Variants in PRKG1 observed in about 807,000 individuals in gnomAD.
PRKG1 encodes the protein protein kinase cGMP-dependent 1, also known as cGMP-dependent protein kinase 1.
PRKG1 carries 35 observed loss-of-function variants against 88.1 expected under a neutral mutation model. The ratio of observed to expected loss-of-function variants is 0.40; its 90% CI spans 0.30 to 0.53. PRKG1 has a LOEUF of 0.53. Ranked by LOEUF, PRKG1 falls within the 20% of genes least tolerant of loss-of-function variation. The pLI, the probability that PRKG1 is intolerant of heterozygous loss-of-function variation, is 0.59. For synonymous variants in PRKG1, 303 were observed against 292.5 expected, an observed-to-expected ratio of 1.04 and a Z score of -0.37; for missense variants, 540 against 839.8, an observed-to-expected ratio of 0.64 and a Z score of 4.41.
chr10:51,865,909 A>T (rs72799473), intron 4 of PRKG1, among the ~76,000 whole-genome samples: 20,278 of 151,998 alleles, frequency 0.13, 1,562 homozygotes, highest in Admixed American at 0.17. Context: ...AATATGGAAC[A>T]TAAATATATA....
chr10:52,269,186 G>A (rs183104276), intron 10 of PRKG1, among the ~76,000 whole-genome samples: 6 of 152,078 alleles, frequency 3.9e-5, no homozygotes, highest in Admixed American at 1.3e-4. Context: ...TCTGAAGAGG[G>A]AATATGACTT....
chr10:51,638,921 G>A (rs1408021962), intron 3 of PRKG1, among the ~76,000 whole-genome samples: 2 of 152,158 alleles, frequency 1.3e-5, no homozygotes, highest in Non-Finnish European at 2.9e-5. Flanking sequence ...GGACAGACAA[G>A]GACATGCCTC....
At chr10:51,951,948 T>C (rs74132837) in intron 5 of PRKG1, among the ~76,000 whole-genome samples, 12,706 of 152,222 alleles carry the variant, frequency 0.083, 1,451 homozygotes, top group African/African-American at 0.26. Flanking sequence ...CAATATTATA[T>C]GAAATTCAGA....
At chr10:51,471,803 A>G (rs915927199) in intron 3 of PRKG1, among the ~76,000 whole-genome samples, 2 of 151,984 alleles carry the variant, frequency 1.3e-5, no homozygotes, top group East Asian at 1.9e-4. Context: ...CTAAACTCCA[A>G]TGAAACCCAA....
At chr10:51,582,667 A>T (rs748537345) in intron 3 of PRKG1, among the ~76,000 whole-genome samples, 2 of 133,366 alleles carry the variant, frequency 1.5e-5, no homozygotes, top group Non-Finnish European at 2.9e-5. Context: ...ATACTCCATG[A>T]TGTATATGTA....
chr10:52,153,854 TC>T (rs1320833668), intron 8 of PRKG1, among the ~76,000 whole-genome samples: 1 of 152,110 alleles, frequency 6.6e-6, no homozygotes, highest in Admixed American at 6.5e-5. Context: ...CAAGTGATTC[TC>T]CTGCCTCAGC....
chr10:51,904,000 ATAGAAAC>A (rs1842034410), intron 4 of PRKG1, among the ~76,000 whole-genome samples: 1 of 152,142 alleles, frequency 6.6e-6, no homozygotes, highest in Non-Finnish European at 1.5e-5. Context: ...TGCCTGGCAA[ATAGAAAC>A]TACTCAAATC....
At chr10:51,434,743 G>A (rs1838870068) in intron 2 of PRKG1, among the ~76,000 whole-genome samples, 1 of 152,068 alleles carries the variant, frequency 6.6e-6, no homozygotes, top group Non-Finnish European at 1.5e-5. Context: ...TTCCATGTAT[G>A]TGAAGTGGAA....
chr10:52,193,463 G>A lies in PRKG1; in HGVS notation c.1076+31500G>A, dbSNP rs111906124. Reference sequence around the variant, plus strand: ...CTTGGGAGGCTGAGGCAGGAGAATCGCTTGAACCCAGGAGGTGGAGGTTGC... The same window carrying A: ...CTTGGGAGGCTGAGGCAGGAGAATCACTTGAACCCAGGAGGTGGAGGTTGC... On this transcript the variant is annotated intron_variant, in intron 9 of 17. Transcript: ENST00000373980. 8.2e-3 allele frequency among the ~76,000 whole-genome samples: 1,213 copies of A among 147,686 alleles called. 16 individuals carry two copies. The highest frequency in any genetic ancestry group is 0.029 in the African/African-American group (1,152 of 39,732).
chr10:51,653,138 A>G (rs945195791), intron 3 of PRKG1, among the ~76,000 whole-genome samples: 1 of 152,152 alleles, frequency 6.6e-6, no homozygotes, highest in Non-Finnish European at 1.5e-5. Flanking sequence ...TTGATTCCAT[A>G]TCTTAGCTTT....
intron 2 of PRKG1, among the ~76,000 whole-genome samples, chr10:51,443,967 C>T (rs777173328): frequency 6.7e-6 from 1 of 149,884 alleles, no homozygotes; most frequent in Non-Finnish European, 1.5e-5. Context: ...CGAATTTTAT[C>T]TGAAAATAGA....
intron 1 of PRKG1, among the ~76,000 whole-genome samples, chr10:51,083,865 G>T (rs1844179243): frequency 6.6e-6 from 1 of 152,116 alleles, no homozygotes; most frequent in Non-Finnish European, 1.5e-5. Flanking sequence ...AGTCCTCAAG[G>T]TGTTGCTAAT....
intron 8 of PRKG1, among the ~76,000 whole-genome samples, chr10:52,154,069 G>A (rs1300595422): frequency 1.3e-5 from 1 of 74,574 alleles, no homozygotes; most frequent in African/African-American, 6.0e-5. Flanking sequence ...TATTCAAAAT[G>A]GAACAAGTGA....
chr10:51,782,001 G>T (rs936723624), intron 3 of PRKG1, among the ~76,000 whole-genome samples: 11 of 151,306 alleles, frequency 7.3e-5, no homozygotes, highest in African/African-American at 2.7e-4. Context: ...ATCGAAATCT[G>T]AAGGGGCAAG....
chr10:52,063,361 GA>G (rs1300340258), intron 7 of PRKG1, among the ~76,000 whole-genome samples: 1 of 152,230 alleles, frequency 6.6e-6, no homozygotes, highest in East Asian at 1.9e-4. Context: ...TAGCATCAGG[GA>G]ATGTGGTCGT....
chr10:52,175,713 T>C (rs1030823789), intron 9 of PRKG1, among the ~76,000 whole-genome samples: 1 of 152,176 alleles, frequency 6.6e-6, no homozygotes, highest in East Asian at 1.9e-4. Context: ...AGATACCTCA[T>C]TGTGGTTTTG....
intron 2 of PRKG1, among the ~76,000 whole-genome samples, chr10:51,419,811 T>A (rs1416972896): frequency 6.6e-6 from 1 of 151,988 alleles, no homozygotes; most frequent in African/African-American, 2.4e-5. Context: ...ATAATTTTTT[T>A]TTTTTTTTTG....
intron 2 of PRKG1, among the ~76,000 whole-genome samples, chr10:51,387,191 G>C (rs1339303372): frequency 1.3e-5 from 2 of 151,856 alleles, no homozygotes; most frequent in Non-Finnish European, 2.9e-5. Flanking sequence ...CTGTCTACAG[G>C]ACAAGCAGCC....
intron 5 of PRKG1, among the ~76,000 whole-genome samples, chr10:52,039,084 TC>T (rs2133226108): frequency 6.6e-6 from 1 of 151,820 alleles, no homozygotes; most frequent in Admixed American, 6.5e-5. Flanking sequence ...CCAAGGGAGG[TC>T]CCCCGATCCG....
Sources: gnomAD v4.1 joint callset for allele counts (sites outside exome capture counted in the v4.1 genomes callset) on GRCh38, gnomAD v4.1.1 for gene constraint, MANE v1.5 for transcripts, NCBI Gene and HGNC (gene_info 2026-07-23, HGNC 2026-07-21) for gene names.